Variants in TENM4 observed in about 807,000 individuals in gnomAD.
TENM4 encodes the protein teneurin-4.
In TENM4, 82 loss-of-function variants were observed where a neutral mutation model predicts 243.3. The ratio of observed to expected loss-of-function variants is 0.34; its 90% confidence interval spans 0.28 to 0.40. The LOEUF is 0.40. Ranked by LOEUF, TENM4 falls within the 10% of genes least tolerant of loss-of-function variation. The probability of loss-of-function intolerance (pLI) is 1.00; values close to 1 mark genes in which losing one functional copy is unlikely to be tolerated. For missense variants in TENM4, 3,138 were observed against 3,673.3 expected (o/e 0.85, Z 3.77); for synonymous variants, 1,412 against 1,456.3 (o/e 0.97, Z 0.69).
intron 1 of TENM4, among the ~76,000 whole-genome samples, chr11:79,414,030 C>T (rs1391298353): frequency 6.6e-6 from 1 of 152,000 alleles, no homozygotes; most frequent in African/African-American, 2.4e-5. Context: ...AACAGAAACA[C>T]AAGATACGTA....
chr11:79,347,848 C>T (rs1181091370), intron 1 of TENM4, among the ~76,000 whole-genome samples: 1 of 143,582 alleles, frequency 7.0e-6, no homozygotes. Flanking sequence ...GGCGCAATCT[C>T]GGCTCACTGC....
intron 2 of TENM4, among the ~76,000 whole-genome samples, chr11:79,290,433 C>T (rs1307657960): frequency 6.6e-6 from 1 of 152,226 alleles, no homozygotes; most frequent in African/African-American, 2.4e-5. Flanking sequence ...ATTGCAGAAC[C>T]TAGACTAGAA....
chr11:78,669,261 T>C lies in TENM4; in HGVS notation c.7084A>G (p.Asn2362Asp), dbSNP rs2135668143. The change falls in exon 32 of 34, where the codon AAC (asparagine) becomes GAC (aspartate). Residue 2362 changes from asparagine to aspartate, a missense_variant. Around this residue, in one of 2 missense-constraint regions of TENM4, gnomAD observed 2,467 missense variants for 3,059.1 expected, o/e 0.81. Transcript: ENST00000278550. This position sits in a 1 kb window ranked among gnomAD's most constrained non-coding sequence, Gnocchi z 6.4. ...AAGACAGCAAGAGGGGTCCCGATGT[T>C]GTCACAAGCTATGTAAAACTCATCA... Reference protein sequence around the residue: ...SGDEFYIACDNIGTPLAVFSG... With the variant: ...SGDEFYIACDDIGTPLAVFSG... 6.2e-7 allele frequency: 1 copy of C among 1,613,998 alleles called. No homozygotes were observed. The highest frequency in any genetic ancestry group is 8.5e-7 in the Non-Finnish European group (1 of 1,179,892).
In TENM4 at chr11:78,672,349, G is replaced by A; in HGVS notation, c.5497-20C>T. On this transcript the variant is annotated intron_variant, in intron 30 of 33. Transcript: ENST00000278550. ...GTGAACCTGGAGAAAGGGTTGGAAG[G>A]AAAGAGAAAATTAATCTGGACCATG... is the stretch of plus-strand genomic sequence containing the variant. 2 of 1,598,420 alleles carry A rather than the reference G, an allele frequency of 1.3e-6. No homozygotes were observed. Among genetic ancestry groups the A allele is most frequent in the Non-Finnish European group, 1.7e-6 (2 of 1,169,476 alleles).
chr11:79,359,299 TA>T (rs1857552340), intron 1 of TENM4, among the ~76,000 whole-genome samples: 1 of 152,184 alleles, frequency 6.6e-6, no homozygotes, highest in African/African-American at 2.4e-5. Context: ...TAACTGGTTG[TA>T]AAACTCTACA....
intron 6 of TENM4, among the ~76,000 whole-genome samples, chr11:78,978,983 T>G (rs1183897069): frequency 1.3e-5 from 2 of 152,166 alleles, no homozygotes; most frequent in Non-Finnish European, 2.9e-5. Flanking sequence ...ATGGGCTGCA[T>G]GTGCCTTGGA....
chr11:78,857,484 T>C lies in TENM4; in HGVS notation c.1256-1306A>G, dbSNP rs531597660. Among the ~76,000 whole-genome samples the C allele has an allele frequency of 2.6e-5, 4 of 152,348 alleles. No individual in the cohort carries two copies. In the East Asian group the frequency reaches 5.8e-4, roughly 22 times the overall value. ...GTAGTCATAAAACATTTTACTGTTTTAAATAATAAAATTCAATTTAAATGT... is the reference window on the plus strand; with the variant it reads ...GTAGTCATAAAACATTTTACTGTTTCAAATAATAAAATTCAATTTAAATGT... On this transcript the variant is annotated intron_variant, in intron 10 of 33. Coordinates refer to ENST00000278550, the MANE Select transcript of TENM4 (RefSeq NM_001098816.3).
At chr11:79,383,070 G>A (rs561633174) in intron 1 of TENM4, among the ~76,000 whole-genome samples, 1 of 152,234 alleles carries the variant, frequency 6.6e-6, no homozygotes, top group East Asian at 1.9e-4. Flanking sequence ...TCCATCTTCT[G>A]CCTTTCTGCC....
At chr11:79,388,639 C>T (rs1858166184) in intron 1 of TENM4, among the ~76,000 whole-genome samples, 2 of 152,136 alleles carry the variant, frequency 1.3e-5, no homozygotes, top group Non-Finnish European at 2.9e-5. Context: ...CCCTTTATTC[C>T]TCTGGCAAAT....
chr11:78,778,457 C>T, intron 17 of TENM4, 145 bp downstream of exon 17: 1 of 851,590 alleles, frequency 1.2e-6, no homozygotes, highest in South Asian at 1.7e-5. Flanking sequence ...GCAATGGATG[C>T]TGCGACAAAA....
intron 1 of TENM4, among the ~76,000 whole-genome samples, chr11:79,386,800 G>A (rs140768708): frequency 2.7e-3 from 406 of 150,702 alleles, no homozygotes; most frequent in African/African-American, 9.7e-3. Flanking sequence ...TTTTTAGTGA[G>A]CAAAAATATC....
At chr11:79,167,278 C>T (rs759582707) in intron 3 of TENM4, among the ~76,000 whole-genome samples, 3 of 152,156 alleles carry the variant, frequency 2.0e-5, no homozygotes, top group Non-Finnish European at 4.4e-5. Context: ...GAACAATGGC[C>T]TGGTCTTTGT....
At chr11:78,935,654 C>A (rs1199629432) in intron 6 of TENM4, among the ~76,000 whole-genome samples, 4 of 152,114 alleles carry the variant, frequency 2.6e-5, no homozygotes. Context: ...GTATCAAATA[C>A]ACATTTAAGA....
intron 3 of TENM4, among the ~76,000 whole-genome samples, chr11:79,215,518 C>T (rs1419512832): frequency 7.0e-6 from 1 of 143,496 alleles, no homozygotes; most frequent in African/African-American, 3.0e-5. Flanking sequence ...GCTGCCAGCA[C>T]CCCCATCACA....
intron 1 of TENM4, among the ~76,000 whole-genome samples, chr11:79,359,418 C>A (rs150673905): frequency 5.3e-5 from 8 of 152,000 alleles, no homozygotes; most frequent in Admixed American, 4.6e-4. Flanking sequence ...TTGAGATACA[C>A]ACTAAAGTAT....
chr11:79,137,654 C>G (rs555174313), intron 4 of TENM4, among the ~76,000 whole-genome samples: 2 of 152,240 alleles, frequency 1.3e-5, no homozygotes, highest in East Asian at 3.9e-4. Flanking sequence ...AACACGTCTG[C>G]GCATATATAC....
chr11:79,147,545 T>C (rs1035652469), intron 4 of TENM4, among the ~76,000 whole-genome samples: 2 of 152,106 alleles, frequency 1.3e-5, no homozygotes, highest in African/African-American at 4.8e-5. Flanking sequence ...TGAACACTAC[T>C]GTATCCCTAA....
At chr11:79,160,177 CCTCCCTCCCAGAACA>C (rs1437018789) in intron 3 of TENM4, among the ~76,000 whole-genome samples, 1 of 152,158 alleles carries the variant, frequency 6.6e-6, no homozygotes, top group East Asian at 1.9e-4. Context: ...GGCCATTAGT[CCTCCCTCCCAGAACA>C]CTCTCTTCCA....
At chr11:79,211,241 G>A (rs1014504496) in intron 3 of TENM4, among the ~76,000 whole-genome samples, 1 of 152,312 alleles carries the variant, frequency 6.6e-6, no homozygotes, top group Admixed American at 6.5e-5. Flanking sequence ...ATGTGCAAAG[G>A]CCTAAGGTCT....
Sources: gnomAD v4.1 joint callset for allele counts (sites outside exome capture counted in the v4.1 genomes callset) on GRCh38, gnomAD v4.1.1 for gene constraint, gnomAD v4.1.1 regional missense constraint, Gnocchi (gnomAD v3.1) non-coding constraint, MANE v1.5 for transcripts, NCBI Gene and HGNC (gene_info 2026-07-23, HGNC 2026-07-21) for gene names.